Variants in CDH13 observed in about 807,000 individuals in gnomAD.
CDH13 encodes the protein cadherin-13.
CDH13 carries 24 observed loss-of-function variants against 63.8 expected under a neutral mutation model. That is an observed-to-expected ratio of 0.38 (90% CI 0.27 to 0.53). The LOEUF is 0.53. CDH13 is among the 20% of genes least tolerant of loss of function. The pLI is 0.85. For synonymous variants in CDH13, 503 were observed against 355.3 expected, an observed-to-expected ratio of 1.42 and a Z score of -4.67; for missense variants, 1,049 against 903.1, an observed-to-expected ratio of 1.16 and a Z score of -2.07.
chr16:83,164,884 A>ATTT (rs10658472), intron 4 of CDH13, among the ~76,000 whole-genome samples: 4 of 151,484 alleles, frequency 2.6e-5, no homozygotes, highest in African/African-American at 4.9e-5. Context: ...AGTGGACATT[A>ATTT]TTATCTTACA....
chr16:83,375,205 C>T (rs556661783), intron 6 of CDH13, among the ~76,000 whole-genome samples: 179 of 152,272 alleles, frequency 1.2e-3, no homozygotes, highest in Non-Finnish European at 2.1e-3. Context: ...TAGTTACTTG[C>T]GATCTGTTTA....
chr16:83,505,809 C>A (rs888003664), intron 7 of CDH13, among the ~76,000 whole-genome samples: 1 of 152,070 alleles, frequency 6.6e-6, no homozygotes, highest in Non-Finnish European at 1.5e-5. Context: ...TCCCAAAATG[C>A]CTAACCCAGT....
intron 6 of CDH13, among the ~76,000 whole-genome samples, chr16:83,476,290 C>G (rs188905049): frequency 1.3e-5 from 2 of 152,106 alleles, no homozygotes; most frequent in Non-Finnish European, 2.9e-5. Context: ...AAAAGTATCC[C>G]CAGGCATTGC....
At chr16:83,055,083 T>C (rs2030778403) in intron 3 of CDH13, among the ~76,000 whole-genome samples, 1 of 152,178 alleles carries the variant, frequency 6.6e-6, no homozygotes, top group East Asian at 1.9e-4. Flanking sequence ...TATGTTGAAA[T>C]ATTCCATGGG....
chr16:83,082,756 A>C (rs1054949664), intron 3 of CDH13, among the ~76,000 whole-genome samples: 1 of 152,268 alleles, frequency 6.6e-6, no homozygotes, highest in Non-Finnish European at 1.5e-5. Context: ...AAGTAAGTAC[A>C]GAATCAAGAG....
intron 2 of CDH13, among the ~76,000 whole-genome samples, chr16:82,989,675 G>A (rs1911409485): frequency 6.6e-6 from 1 of 152,214 alleles, no homozygotes; most frequent in Non-Finnish European, 1.5e-5. Context: ...CAGTCATGCT[G>A]TATTCAAGGT....
intron 2 of CDH13, among the ~76,000 whole-genome samples, chr16:82,873,236 G>A (rs572144776): frequency 6.6e-6 from 1 of 152,282 alleles, no homozygotes; most frequent in East Asian, 1.9e-4. Flanking sequence ...CTGTGATCCA[G>A]GAGGAGGGCT....
At chr16:82,755,530 C>G (rs147324084) in intron 1 of CDH13, among the ~76,000 whole-genome samples, 2 of 152,200 alleles carry the variant, frequency 1.3e-5, no homozygotes, top group African/African-American at 4.8e-5. Flanking sequence ...CCCCAATTTT[C>G]TGAAATGTTT....
intron 1 of CDH13, among the ~76,000 whole-genome samples, chr16:82,642,751 G>C (rs1228452619): frequency 6.6e-6 from 1 of 152,178 alleles, no homozygotes; most frequent in Non-Finnish European, 1.5e-5. Context: ...GTGTGGTGCT[G>C]ATTTTGAACC....
chr16:83,006,934 T>TTGTTTG (rs201363850), intron 2 of CDH13, among the ~76,000 whole-genome samples: 1,617 of 150,686 alleles, frequency 0.011, 41 homozygotes, highest in African/African-American at 0.03. Context: ...GTTTGTTTGT[T>TTGTTTG]TTTTTTGAGA....
intron 5 of CDH13, among the ~76,000 whole-genome samples, chr16:83,334,280 C>T (rs1390144336): frequency 6.6e-6 from 1 of 151,428 alleles, no homozygotes; most frequent in Non-Finnish European, 1.5e-5. Flanking sequence ...CTTTCTTCCT[C>T]CTTTCTCTCT....
chr16:83,275,195 A>C lies in CDH13; in HGVS notation c.636+57698A>C, dbSNP rs531332182. Among the ~76,000 whole-genome samples the C allele has an allele frequency of 2.6e-5, 4 of 152,360 alleles. No individual in the cohort carries two copies. The South Asian group carries it at 8.3e-4, about 32-fold the overall frequency. ...CCCCATAGAGCATTTATGATGTTCA[A>C]GGCCTTAAGCAGCTGGGAAAGGAGA... On this transcript the variant is annotated intron_variant, in intron 5 of 13. Transcript: ENST00000567109.
intron 7 of CDH13, among the ~76,000 whole-genome samples, chr16:83,518,115 A>G (rs2074741476): frequency 6.6e-6 from 1 of 150,706 alleles, no homozygotes; most frequent in Non-Finnish European, 1.5e-5. Flanking sequence ...TTCTCATGAT[A>G]ATGAGTGAGA....
rs1033456095 is a variant in CDH13, at chr16:83,788,535, G to C, written c.2134+5063G>C. Reference sequence around the variant, plus strand: ...TCTTACCAACAAGGGATTTTCTTGTGGTCCTCACTTTGAGACTCCTGATCT... The same window carrying C: ...TCTTACCAACAAGGGATTTTCTTGTCGTCCTCACTTTGAGACTCCTGATCT... On this transcript the variant is annotated intron_variant, in intron 13 of 13. Coordinates refer to ENST00000567109, the MANE Select transcript of CDH13 (RefSeq NM_001257.5). Among the ~76,000 whole-genome samples, 78 of 150,830 alleles carry C rather than the reference G, an allele frequency of 5.2e-4. 2 individuals are homozygous for C. The highest frequency in any genetic ancestry group is 5.1e-3 in the Admixed American group (77 of 15,170).
chr16:83,165,674 G>A (rs1258141102), intron 4 of CDH13, among the ~76,000 whole-genome samples: 1 of 152,094 alleles, frequency 6.6e-6, no homozygotes, highest in African/African-American at 2.4e-5. Context: ...AGTGACATAT[G>A]TGTAAGTTAA....
intron 7 of CDH13, among the ~76,000 whole-genome samples, chr16:83,498,158 C>A (rs1250350557): frequency 2.0e-5 from 3 of 152,020 alleles, no homozygotes; most frequent in Non-Finnish European, 4.4e-5. Context: ...ATGTTAGAGC[C>A]CTGATAGGTG....
chr16:83,153,852 C>A (rs564521423), intron 4 of CDH13, among the ~76,000 whole-genome samples: 2 of 152,234 alleles, frequency 1.3e-5, no homozygotes, highest in African/African-American at 2.4e-5. Flanking sequence ...GAAACTAATA[C>A]AATGGTCATT....
At chr16:82,757,992 AGAAATCTCTCTGGCAAGTGTGT>A (rs1312749152) in intron 1 of CDH13, among the ~76,000 whole-genome samples, 1 of 152,166 alleles carries the variant, frequency 6.6e-6, no homozygotes, top group East Asian at 1.9e-4. Flanking sequence ...TTCTGAGGCT[AGAAATCTCTCTGGCAAGTGTGT>A]GAATGCAAAG....
intron 6 of CDH13, among the ~76,000 whole-genome samples, chr16:83,474,599 G>A (rs2073552729): frequency 6.6e-6 from 1 of 152,168 alleles, no homozygotes. Flanking sequence ...CAAGAGGGTG[G>A]GGGAAATTTA....
Sources: allele counts gnomAD v4.1 joint callset (sites outside exome capture counted in the v4.1 genomes callset), GRCh38; gene constraint gnomAD v4.1.1; transcripts MANE v1.5; gene names NCBI Gene and HGNC (gene_info 2026-07-23, HGNC 2026-07-21).